Variants in FGF14 observed in about 807,000 individuals in gnomAD.
FGF14 encodes fibroblast growth factor 14.
In FGF14, 5 loss-of-function variants were observed where a neutral mutation model predicts 25.5. The ratio of observed to expected loss-of-function variants is 0.20; its 90% CI spans 0.10 to 0.41. FGF14 has a LOEUF of 0.41. Among genes scored for constraint, FGF14 ranks in the 10% least tolerant of loss-of-function variants. The pLI is 1.00. For synonymous variants in FGF14, 138 were observed against 118.3 expected (o/e 1.17, Z -1.08); for missense variants, 222 against 320.1 (o/e 0.69, Z 2.34).
chr13:101,913,334 AC>A (rs2033145999), intron 1 of FGF14, among the ~76,000 whole-genome samples: 1 of 152,318 alleles, frequency 6.6e-6, no homozygotes, highest in African/African-American at 2.4e-5. Context: ...TGCCTACCAC[AC>A]CATTAATAGC....
intron 1 of FGF14, among the ~76,000 whole-genome samples, chr13:102,113,317 CCTTT>C (rs2045320267): frequency 6.6e-6 from 1 of 152,152 alleles, no homozygotes; most frequent in Non-Finnish European, 1.5e-5. Flanking sequence ...TCTCTTCATC[CCTTT>C]CTTTTTCTCT....
In FGF14 at chr13:101,720,996, A is replaced by T. The variant is rs1173709624; in HGVS notation, c.*1835T>A. 2 of 152,148 alleles carry T rather than the reference A, an allele frequency of 1.3e-5. No individual in the cohort carries two copies. Among genetic ancestry groups the T allele is most frequent in the Non-Finnish European group, 2.9e-5 (2 of 68,004 alleles). 9.4% of individuals were successfully genotyped at this position (152,148 alleles called of 1,614,324 possible). Reference sequence around the variant, plus strand: ...TGCTGGGCAAGGGCTGTCATGAAGAAGATTTATGAAAGCAGTGACAAAATA... The same window carrying T: ...TGCTGGGCAAGGGCTGTCATGAAGATGATTTATGAAAGCAGTGACAAAATA... On this transcript the variant is annotated 3_prime_UTR_variant, in exon 5 of 5. Coordinates refer to ENST00000376143, the MANE Select transcript of FGF14 (RefSeq NM_004115.4).
At chr13:102,335,656 C>T (rs1166050078) in intron 1 of FGF14, among the ~76,000 whole-genome samples, 4 of 152,156 alleles carry the variant, frequency 2.6e-5, no homozygotes, top group Non-Finnish European at 5.9e-5. Flanking sequence ...GGGAGGAGTA[C>T]AGGCATGACT....
intron 3 of FGF14, among the ~76,000 whole-genome samples, chr13:101,758,144 C>G (rs2037779628): frequency 6.6e-6 from 1 of 152,160 alleles, no homozygotes; most frequent in Non-Finnish European, 1.5e-5. Flanking sequence ...TTATTGAACA[C>G]TTACCTTGAA....
intron 1 of FGF14, among the ~76,000 whole-genome samples, chr13:102,108,830 A>G (rs993869751): frequency 1.3e-5 from 2 of 152,232 alleles, no homozygotes; most frequent in African/African-American, 4.8e-5. Flanking sequence ...GCTTTAAATA[A>G]TACTTATGAG....
intron 1 of FGF14, among the ~76,000 whole-genome samples, chr13:101,936,225 T>TC (rs1415022112): frequency 2.0e-5 from 3 of 152,298 alleles, no homozygotes; most frequent in East Asian, 3.9e-4. Flanking sequence ...CAGGACTCCT[T>TC]CTTAATGCCT....
intron 3 of FGF14, among the ~76,000 whole-genome samples, chr13:101,836,668 T>C (rs1440271215): frequency 1.3e-5 from 2 of 152,104 alleles, no homozygotes; most frequent in Non-Finnish European, 1.5e-5. Flanking sequence ...TTCCTAGTTA[T>C]TGTTAAGGAT....
intron 3 of FGF14, among the ~76,000 whole-genome samples, chr13:101,730,756 T>G (rs899172784): frequency 1.3e-5 from 2 of 152,082 alleles, no homozygotes; most frequent in Non-Finnish European, 2.9e-5. Flanking sequence ...GGCCACAAAC[T>G]CAAATGCCTC....
intron 1 of FGF14, among the ~76,000 whole-genome samples, chr13:102,381,724 G>C (rs550844086): frequency 6.6e-6 from 1 of 152,080 alleles, no homozygotes; most frequent in Non-Finnish European, 1.5e-5. Flanking sequence ...GTAAAAGTAG[G>C]CATGCATTGT....
At chr13:102,019,468 T>C (rs1263788044) in intron 1 of FGF14, among the ~76,000 whole-genome samples, 4 of 152,130 alleles carry the variant, frequency 2.6e-5, no homozygotes, top group Admixed American at 2.0e-4. Context: ...CTGATTTCTA[T>C]GACAGATAAA....
At position 102,248,009 on chromosome 13, in the gene FGF14, T is replaced by C. The variant is rs551907171; in HGVS notation, c.208+153462A>G. ...TAGGAATGGAAAGCCAAATAGTGCA[T>C]GTTCTCACTTAGAAGTGGGAACTAA... On this transcript the variant is annotated intron_variant, in intron 1 of 4. Transcript: ENST00000376131. Among the ~76,000 whole-genome samples, 6 of 152,270 alleles carry C rather than the reference T, an allele frequency of 3.9e-5. No individual in the cohort carries two copies. The South Asian group carries it at 1.0e-3, about 26-fold the overall frequency.
intron 1 of FGF14, among the ~76,000 whole-genome samples, chr13:102,305,025 G>A (rs985530139): frequency 6.6e-6 from 1 of 152,174 alleles, no homozygotes; most frequent in Non-Finnish European, 1.5e-5. Flanking sequence ...CTAAAACAGT[G>A]TGCATACAAA....
intron 1 of FGF14, among the ~76,000 whole-genome samples, chr13:102,111,315 A>G (rs973551312): frequency 2.0e-5 from 3 of 152,232 alleles, no homozygotes; most frequent in Non-Finnish European, 4.4e-5. Context: ...GACAGCCTCA[A>G]AACTTAGCCT....
chr13:102,140,894 A>G (rs1187391226), intron 1 of FGF14, among the ~76,000 whole-genome samples: 1 of 152,258 alleles, frequency 6.6e-6, no homozygotes, highest in Non-Finnish European at 1.5e-5. Context: ...CTAAGAATGT[A>G]TTGTGTTACC....
chr13:102,218,864 CA>C (rs1475593717), intron 1 of FGF14, among the ~76,000 whole-genome samples: 1 of 152,080 alleles, frequency 6.6e-6, no homozygotes, highest in Non-Finnish European at 1.5e-5. Context: ...CTCTTAAGAG[CA>C]AATTCATTTT....
At chr13:102,276,298 TACACACACAC>T (rs57994075) in intron 1 of FGF14, among the ~76,000 whole-genome samples, 111 of 118,280 alleles carry the variant, frequency 9.4e-4, no homozygotes, top group African/African-American at 2.2e-3. Context: ...AACTTGGAAA[TACACACACAC>T]ACACACACAC....
chr13:102,139,537 T>C (rs2046548980), intron 1 of FGF14, among the ~76,000 whole-genome samples: 1 of 152,158 alleles, frequency 6.6e-6, no homozygotes, highest in Admixed American at 6.6e-5. Context: ...CCAAAGAATG[T>C]GTCCCCATTC....
At chr13:102,013,756 C>T (rs1318955681) in intron 1 of FGF14, among the ~76,000 whole-genome samples, 1 of 152,160 alleles carries the variant, frequency 6.6e-6, no homozygotes, top group East Asian at 1.9e-4. Flanking sequence ...ACCTACTAGG[C>T]TTGATCATAT....
chr13:102,066,760 A>G (rs754756003), intron 1 of FGF14, among the ~76,000 whole-genome samples: 11 of 152,112 alleles, frequency 7.2e-5, no homozygotes, highest in Non-Finnish European at 1.2e-4. Context: ...TTGTGCTTCA[A>G]TTGAAATATC....
Sources: gnomAD v4.1 joint callset for allele counts (sites outside exome capture counted in the v4.1 genomes callset) on GRCh38, gnomAD v4.1.1 for gene constraint, MANE v1.5 for transcripts, NCBI Gene and HGNC (gene_info 2026-07-23, HGNC 2026-07-21) for gene names.